Variants in NELL1 observed in about 807,000 individuals in gnomAD.
The protein encoded by NELL1 is protein kinase C-binding protein NELL1.
In NELL1, 76 loss-of-function variants were observed where a neutral mutation model predicts 107.4. The observed-to-expected ratio is 0.71, with a 90% CI of 0.59 to 0.86. NELL1 has a LOEUF of 0.86. Among genes scored for constraint, NELL1 ranks in the 40% least tolerant of loss-of-function variants. The pLI, the probability that NELL1 is intolerant of heterozygous loss-of-function variation, is 0.00. For synonymous variants in NELL1, 353 were observed against 341.2 expected, an observed-to-expected ratio of 1.03 and a Z score of -0.38; for missense variants, 1,024 against 1,005.5, an observed-to-expected ratio of 1.02 and a Z score of -0.25.
intron 12 of NELL1, among the ~76,000 whole-genome samples, chr11:21,105,862 C>CCCTTCCCCTCTCCTCCTCT (rs1565062810): frequency 2.3e-3 from 1 of 436 alleles, no homozygotes; most frequent in African/African-American, 8.6e-3. Context: ...TCTCTCCCCT[C>CCCTTCCCCTCTCCTCCTCT]CCCCTCCCCT....
chr11:21,139,699 A>G (rs922365247), intron 13 of NELL1, among the ~76,000 whole-genome samples: 1 of 152,210 alleles, frequency 6.6e-6, no homozygotes, highest in Non-Finnish European at 1.5e-5. Flanking sequence ...TGATCAGTAA[A>G]TATGACCAGC....
At chr11:21,476,175 A>G (rs1184053998) in intron 15 of NELL1, among the ~76,000 whole-genome samples, 1 of 152,194 alleles carries the variant, frequency 6.6e-6, no homozygotes, top group Non-Finnish European at 1.5e-5. Context: ...TATTCTGTAA[A>G]AATATATATA....
intron 12 of NELL1, among the ~76,000 whole-genome samples, chr11:21,093,763 TCATGA>T (rs1854575413): frequency 6.6e-6 from 1 of 152,106 alleles, no homozygotes; most frequent in African/African-American, 2.4e-5. Context: ...CCATCAGATC[TCATGA>T]GATTTATTCG....
chr11:21,224,686 A>G (rs898939559), intron 13 of NELL1, among the ~76,000 whole-genome samples: 1 of 152,164 alleles, frequency 6.6e-6, no homozygotes, highest in Non-Finnish European at 1.5e-5. Context: ...GAGTTTCTTC[A>G]AAAGAGCTGT....
intron 4 of NELL1, among the ~76,000 whole-genome samples, chr11:20,870,034 A>C (rs1473662318): frequency 6.6e-6 from 1 of 152,140 alleles, no homozygotes; most frequent in East Asian, 1.9e-4. Context: ...CATTCAGGTG[A>C]CTCAGTATCA....
At chr11:20,793,535 G>C (rs1312465660) in intron 3 of NELL1, among the ~76,000 whole-genome samples, 1 of 151,888 alleles carries the variant, frequency 6.6e-6, no homozygotes, top group African/African-American at 2.4e-5. Context: ...TATCTTGTTG[G>C]TATTTTTACT....
At chr11:20,871,622 CTACT>C (rs1849199049) in intron 4 of NELL1, among the ~76,000 whole-genome samples, 1 of 121,108 alleles carries the variant, frequency 8.3e-6, no homozygotes, top group African/African-American at 2.6e-5. Flanking sequence ...TTTATTTGTA[CTACT>C]TTCTCATTTT....
At chr11:21,465,858 C>T (rs575566395) in intron 15 of NELL1, among the ~76,000 whole-genome samples, 14 of 152,044 alleles carry the variant, frequency 9.2e-5, no homozygotes, top group African/African-American at 2.7e-4. Flanking sequence ...TGGTAACTTA[C>T]TTGAACATTA....
rs556837712 is a variant in NELL1, at chr11:20,842,374, A to G, written c.336-5209A>G. On this transcript the variant is annotated intron_variant, in intron 3 of 19. Coordinates refer to ENST00000357134, the MANE Select transcript of NELL1 (RefSeq NM_006157.5). Reference sequence around the variant, plus strand: ...GGCAACAGAGTGAGACTCCGTTTAAAAAAAAAAAAAAAGAGCTTCAGCATG... The same window carrying G: ...GGCAACAGAGTGAGACTCCGTTTAAGAAAAAAAAAAAAGAGCTTCAGCATG... Among the ~76,000 whole-genome samples the G allele has an allele frequency of 9.1e-3, 1,376 of 150,856 alleles. 12 individuals carry two copies. The highest frequency in any genetic ancestry group is 0.032 in the African/African-American group (1,308 of 41,310).
At chr11:20,751,160 TAGA>T (rs2133945260) in intron 2 of NELL1, among the ~76,000 whole-genome samples, 2 of 152,116 alleles carry the variant, frequency 1.3e-5, no homozygotes, top group East Asian at 3.9e-4. Context: ...AATCAGGCAG[TAGA>T]AGAATTCCAA....
chr11:21,217,385 G>A (rs1028833381), intron 13 of NELL1, among the ~76,000 whole-genome samples: 1 of 152,092 alleles, frequency 6.6e-6, no homozygotes, highest in African/African-American at 2.4e-5. Flanking sequence ...CTGAGTGAAA[G>A]GTACATTGGG....
intron 15 of NELL1, among the ~76,000 whole-genome samples, chr11:21,407,145 G>A (rs1852255660): frequency 6.6e-6 from 1 of 152,088 alleles, no homozygotes; most frequent in East Asian, 2.0e-4. Context: ...GCAGGTCATG[G>A]TGGCTCATAC....
At chr11:21,411,136 A>G (rs1001921039) in intron 15 of NELL1, among the ~76,000 whole-genome samples, 1 of 152,096 alleles carries the variant, frequency 6.6e-6, no homozygotes, top group African/African-American at 2.4e-5. Context: ...TCTGGAAGTA[A>G]AGAAGTAGTA....
intron 2 of NELL1, among the ~76,000 whole-genome samples, chr11:20,682,435 T>A (rs1402515227): frequency 6.6e-6 from 1 of 152,036 alleles, no homozygotes; most frequent in Non-Finnish European, 1.5e-5. Flanking sequence ...TATTTTACAC[T>A]TAAAACACAT....
intron 15 of NELL1, among the ~76,000 whole-genome samples, chr11:21,452,299 G>A (rs1853607843): frequency 6.6e-6 from 1 of 152,060 alleles, no homozygotes; most frequent in Non-Finnish European, 1.5e-5. Flanking sequence ...GTCTTGAAAA[G>A]CATCCTTTCA....
At chr11:21,300,693 C>T (rs1372527752) in intron 14 of NELL1, among the ~76,000 whole-genome samples, 2 of 151,908 alleles carry the variant, frequency 1.3e-5, no homozygotes, top group Non-Finnish European at 2.9e-5. Context: ...CAATGCAGTT[C>T]AGGTTGGACT....
chr11:21,399,511 C>T (rs998099391), intron 15 of NELL1, among the ~76,000 whole-genome samples: 1 of 151,482 alleles, frequency 6.6e-6, no homozygotes, highest in Admixed American at 6.6e-5. Flanking sequence ...GGAATCATTG[C>T]TAAATAATTT....
chr11:21,333,513 A>G (rs2133689327), intron 14 of NELL1, among the ~76,000 whole-genome samples: 1 of 152,180 alleles, frequency 6.6e-6, no homozygotes, highest in South Asian at 2.1e-4. Context: ...ATTAAATAGC[A>G]TAATGTGGAT....
intron 2 of NELL1, among the ~76,000 whole-genome samples, chr11:20,706,310 T>C (rs2853017): frequency 0.4 from 60,156 of 151,790 alleles, 13,838 homozygotes; most frequent in African/African-American, 0.63. Context: ...AAATGTGGCA[T>C]ATATACACCA....
Sources: allele counts gnomAD v4.1 joint callset (sites outside exome capture counted in the v4.1 genomes callset), GRCh38; gene constraint gnomAD v4.1.1; transcripts MANE v1.5; gene names NCBI Gene and HGNC (gene_info 2026-07-23, HGNC 2026-07-21).